HDAC9: variants seen among roughly 807,000 people sequenced by gnomAD.
HDAC9 encodes MEF-2 interacting transcription repressor (MITR) protein.
A neutral mutation model predicts 139.4 loss-of-function variants in HDAC9; 41 were observed. The observed-to-expected ratio is 0.29, with a 90% CI of 0.23 to 0.38. The LOEUF (loss-of-function observed/expected upper bound fraction) is 0.38. Among genes scored for constraint, HDAC9 ranks in the 10% least tolerant of loss-of-function variants. The pLI is 1.00. For missense variants in HDAC9, 1,147 were observed against 1,297.0 expected, an observed-to-expected ratio of 0.88 and a Z score of 1.78; for synonymous variants, 517 against 476.2, an observed-to-expected ratio of 1.09 and a Z score of -1.12.
At chr7:18,937,902 T>C (rs540395870) in intron 23 of HDAC9, among the ~76,000 whole-genome samples, 4 of 152,244 alleles carry the variant, frequency 2.6e-5, no homozygotes, top group Non-Finnish European at 5.9e-5. Flanking sequence ...CTTTTGCTCT[T>C]AACCCAACAT....
At chr7:18,218,809 C>G (rs1258331719) in intron 2 of HDAC9, among the ~76,000 whole-genome samples, 1 of 152,092 alleles carries the variant, frequency 6.6e-6, no homozygotes, top group Non-Finnish European at 1.5e-5. Context: ...AGTTTCTTAA[C>G]ATTATTTTAT....
At chr7:18,777,507 G>T (rs1032938193) in intron 16 of HDAC9, among the ~76,000 whole-genome samples, 1 of 151,920 alleles carries the variant, frequency 6.6e-6, no homozygotes, top group African/African-American at 2.4e-5. Context: ...ACCAAATAAT[G>T]ATGACGTCTC....
chr7:18,172,659 C>T (rs1055374002), intron 2 of HDAC9, among the ~76,000 whole-genome samples: 2 of 152,172 alleles, frequency 1.3e-5, no homozygotes, highest in African/African-American at 4.8e-5. Flanking sequence ...TGTCTTTGTT[C>T]TCACTGGTTT....
rs577860551 is a variant in HDAC9, at chr7:18,222,459, A to AT, written c.25+60116dup. On this transcript the variant is annotated intron_variant, in intron 2 of 12. Coordinates refer to the HDAC9 transcript ENST00000417496. ...ATTATTATGAGCTTCTTAATCTTTTATTTTTTCCAAAATAGAAATGTCCCT... is the reference window on the plus strand; with the variant it reads ...ATTATTATGAGCTTCTTAATCTTTTATTTTTTTCCAAAATAGAAATGTCCCT... 3.3e-5 allele frequency among the ~76,000 whole-genome samples: 5 copies of AT among 152,158 alleles called. No homozygotes were observed. In the South Asian group the frequency reaches 6.2e-4, roughly 19 times the overall value.
At chr7:18,157,803 A>AGGAG (rs1787318338) in intron 1 of HDAC9, among the ~76,000 whole-genome samples, 1 of 68,890 alleles carries the variant, frequency 1.5e-5, no homozygotes, top group South Asian at 5.9e-4. Context: ...GTTCTAAGGC[A>AGGAG]TGAGAGAGAG....
Position 18,178,184 on chromosome 7 carries a change from A to G in HDAC9, c.25+15835A>G, listed in dbSNP as rs147270414. On this transcript the variant is annotated intron_variant, in intron 2 of 12. Transcript: ENST00000417496. ...CTGGAACCTCCACCTCCCTAGTTCA[A>G]GCAATTCCCTTGCCTCAGCATCCCG... Among the ~76,000 whole-genome samples the G allele has an allele frequency of 8.5e-5, 13 of 152,156 alleles. No homozygotes were observed. The East Asian group carries it at 2.5e-3, about 29-fold the overall frequency.
At chr7:18,607,319 C>T (rs1330635780) in intron 6 of HDAC9, among the ~76,000 whole-genome samples, 1 of 152,142 alleles carries the variant, frequency 6.6e-6, no homozygotes, top group African/African-American at 2.4e-5. Context: ...AAAGACAAAG[C>T]ATGGAAAATA....
chr7:18,489,995 C>A (rs949772273), intron 1 of HDAC9, among the ~76,000 whole-genome samples: 5 of 152,040 alleles, frequency 3.3e-5, no homozygotes, highest in Admixed American at 2.0e-4. Context: ...CTTAGCAATC[C>A]ACCTTAGTCT....
At chr7:18,307,013 A>G (rs1030557) in intron 1 of HDAC9, among the ~76,000 whole-genome samples, 6,674 of 151,700 alleles carry the variant, frequency 0.044, 231 homozygotes, top group East Asian at 0.17. Flanking sequence ...TATTCTATCT[A>G]TTAATGTGAA....
intron 2 of HDAC9, among the ~76,000 whole-genome samples, chr7:18,223,155 T>C (rs2128177164): frequency 6.6e-6 from 1 of 152,298 alleles, no homozygotes; most frequent in South Asian, 2.1e-4. Context: ...AGATTGTTCA[T>C]GACATGTACC....
chr7:18,744,179 A>G (rs1305003381), intron 13 of HDAC9, among the ~76,000 whole-genome samples: 1 of 151,936 alleles, frequency 6.6e-6, no homozygotes, highest in Admixed American at 6.6e-5. Flanking sequence ...TTTAGTAGAG[A>G]CGGGGTTTCT....
At chr7:18,714,065 A>G (rs1245128571) in intron 12 of HDAC9, among the ~76,000 whole-genome samples, 1 of 152,234 alleles carries the variant, frequency 6.6e-6, no homozygotes, top group Non-Finnish European at 1.5e-5. Context: ...AAAAGTGCTT[A>G]TCAAATACAC....
intron 1 of HDAC9, among the ~76,000 whole-genome samples, chr7:18,298,416 T>C (rs1055426627): frequency 1.3e-4 from 20 of 152,182 alleles, no homozygotes; most frequent in Non-Finnish European, 1.9e-4. Context: ...AGGTATATCT[T>C]CCAATGCTAT....
chr7:18,743,818 A>G (rs1787677825), intron 13 of HDAC9, among the ~76,000 whole-genome samples: 1 of 152,050 alleles, frequency 6.6e-6, no homozygotes, highest in African/African-American at 2.4e-5. Context: ...ATGAGATTTG[A>G]CGGTCATTAG....
At chr7:18,806,160 A>G (rs891032921) in intron 17 of HDAC9, among the ~76,000 whole-genome samples, 17 of 152,240 alleles carry the variant, frequency 1.1e-4, no homozygotes, top group African/African-American at 3.6e-4. Context: ...TAGGGCTTGG[A>G]GAAGAATAAT....
At chr7:18,641,810 T>C (rs1333862268) in intron 8 of HDAC9, among the ~76,000 whole-genome samples, 1 of 152,008 alleles carries the variant, frequency 6.6e-6, no homozygotes, top group Admixed American at 6.6e-5. Context: ...TTTCATTGTG[T>C]CAGGTGAATG....
At chr7:18,199,022 A>G (rs1377009129) in intron 2 of HDAC9, among the ~76,000 whole-genome samples, 1 of 152,154 alleles carries the variant, frequency 6.6e-6, no homozygotes, top group African/African-American at 2.4e-5. Context: ...TAAAATTTCC[A>G]TCAGGAAACA....
At chr7:18,868,045 A>G (rs1013599598) in intron 21 of HDAC9, among the ~76,000 whole-genome samples, 1 of 152,144 alleles carries the variant, frequency 6.6e-6, no homozygotes, top group Non-Finnish European at 1.5e-5. Context: ...CTTTGAAATT[A>G]TTATGTTTGT....
At chr7:18,453,329 G>A (rs1365392521) in intron 1 of HDAC9, among the ~76,000 whole-genome samples, 1 of 152,040 alleles carries the variant, frequency 6.6e-6, no homozygotes, top group Non-Finnish European at 1.5e-5. Context: ...AAAAAAGTGG[G>A]GGGAAGGAAT....
Sources: gnomAD v4.1 joint callset for allele counts (sites outside exome capture counted in the v4.1 genomes callset) on GRCh38, gnomAD v4.1.1 for gene constraint, MANE v1.5 for transcripts, NCBI Gene and HGNC (gene_info 2026-07-23, HGNC 2026-07-21) for gene names.